Variants in PRKACB observed in about 807,000 individuals in gnomAD.
The protein encoded by PRKACB is cAMP-dependent protein kinase catalytic subunit beta.
A neutral mutation model predicts 51.4 loss-of-function variants in PRKACB; 16 were observed. That is an observed-to-expected ratio of 0.31 (90% CI 0.21 to 0.47). The LOEUF is 0.47. Among genes scored for constraint, PRKACB ranks in the 20% least tolerant of loss-of-function variants. PRKACB has a pLI of 1.00. For missense variants in PRKACB, 309 were observed against 464.5 expected (o/e 0.67, Z 3.08); for synonymous variants, 147 against 154.4 (o/e 0.95, Z 0.35).
At chr1:84,175,802 C>G (rs1661043746) in intron 1 of PRKACB, 2 of 1,566,788 alleles carry the variant, frequency 1.3e-6, no homozygotes, top group African/African-American at 1.4e-5. Flanking sequence ...CATGTAGATT[C>G]CTTTGGTATG....
At chr1:84,121,180 C>A (rs1186807516) in intron 1 of PRKACB, among the ~76,000 whole-genome samples, 1 of 151,812 alleles carries the variant, frequency 6.6e-6, no homozygotes, top group Non-Finnish European at 1.5e-5. Flanking sequence ...TGGAATTTTT[C>A]CTTTTTTCAT....
At chr1:84,234,719 A>G (rs1572625269) in intron 9 of PRKACB, among the ~76,000 whole-genome samples, 1 of 152,018 alleles carries the variant, frequency 6.6e-6, no homozygotes, top group Non-Finnish European at 1.5e-5. Context: ...AGGAAAGGGA[A>G]CTCCCTGACC....
At chr1:84,098,890 T>G (rs1004955956) in intron 1 of PRKACB, among the ~76,000 whole-genome samples, 2 of 152,086 alleles carry the variant, frequency 1.3e-5, no homozygotes, top group East Asian at 3.9e-4. Flanking sequence ...AAGATAATAT[T>G]TGGGGTATCA....
chr1:84,186,556 T>C (rs1665177862), intron 5 of PRKACB, among the ~76,000 whole-genome samples: 1 of 152,100 alleles, frequency 6.6e-6, no homozygotes, highest in African/African-American at 2.4e-5. Flanking sequence ...CCTGAGTGCG[T>C]TATTCCCTGG....
chr1:84,118,950 A>G (rs1404031093), intron 1 of PRKACB, among the ~76,000 whole-genome samples: 1 of 152,208 alleles, frequency 6.6e-6, no homozygotes, highest in East Asian at 1.9e-4. Flanking sequence ...AGTTGCAAGA[A>G]GCAGAGACCC....
chr1:84,199,063 A>G (rs1174276251), intron 7 of PRKACB, among the ~76,000 whole-genome samples: 1 of 51,474 alleles, frequency 1.9e-5, no homozygotes, highest in African/African-American at 4.1e-5. Flanking sequence ...ATATATGCGT[A>G]TATATGCATA....
intron 1 of PRKACB, among the ~76,000 whole-genome samples, chr1:84,171,653 C>T (rs760454317): frequency 5.3e-5 from 8 of 151,546 alleles, no homozygotes; most frequent in Non-Finnish European, 1.0e-4. Context: ...TGTCCACTGC[C>T]ATTGTTTCTG....
At chr1:84,204,791 C>G (rs1163238695) in intron 8 of PRKACB, 3 of 898,500 alleles carry the variant, frequency 3.3e-6, no homozygotes, top group Non-Finnish European at 4.1e-6. Flanking sequence ...AACAAGGATA[C>G]TGTCATAACT....
chr1:84,126,620 C>T (rs1287172527), intron 1 of PRKACB, among the ~76,000 whole-genome samples: 1 of 152,090 alleles, frequency 6.6e-6, no homozygotes, highest in Non-Finnish European at 1.5e-5. Context: ...AATGCATGTT[C>T]TCACTTTGGA....
chr1:84,203,053 C>G (rs1186325485), intron 8 of PRKACB, among the ~76,000 whole-genome samples: 1 of 151,910 alleles, frequency 6.6e-6, no homozygotes, highest in African/African-American at 2.4e-5. Flanking sequence ...TCACAAAGAA[C>G]AGGATCATAG....
intron 1 of PRKACB, among the ~76,000 whole-genome samples, chr1:84,080,839 A>G (rs777685009): frequency 6.0e-5 from 9 of 151,176 alleles, no homozygotes; most frequent in Non-Finnish European, 8.8e-5. Context: ...CAGAGTAAGG[A>G]ATAGAGTCTG....
intron 1 of PRKACB, among the ~76,000 whole-genome samples, chr1:84,082,068 T>A (rs905487948): frequency 8.5e-5 from 13 of 152,248 alleles, no homozygotes; most frequent in African/African-American, 2.9e-4. Context: ...GTATAAACTT[T>A]TACTTACTCT....
chr1:84,127,839 T>G (rs1345798161), intron 1 of PRKACB, among the ~76,000 whole-genome samples: 1 of 152,038 alleles, frequency 6.6e-6, no homozygotes, highest in African/African-American at 2.4e-5. Context: ...TTCCTATACT[T>G]AAATCATAAA....
chr1:84,226,060 T>A (rs1674540939), intron 9 of PRKACB, among the ~76,000 whole-genome samples: 3 of 152,214 alleles, frequency 2.0e-5, no homozygotes, highest in Admixed American at 2.0e-4. Context: ...ACTGTATATG[T>A]CACTGCTTTA....
At chr1:84,103,178 G>A (rs1315717057) in intron 1 of PRKACB, among the ~76,000 whole-genome samples, 1 of 152,132 alleles carries the variant, frequency 6.6e-6, no homozygotes, top group African/African-American at 2.4e-5. Context: ...AGTGAAGATG[G>A]CTACAAATTC....
At chr1:84,091,845 C>T (rs1368606926) in intron 1 of PRKACB, among the ~76,000 whole-genome samples, 2 of 152,090 alleles carry the variant, frequency 1.3e-5, no homozygotes, top group African/African-American at 4.8e-5. Flanking sequence ...GAAATAAACA[C>T]GTTAATGACT....
intron 1 of PRKACB, among the ~76,000 whole-genome samples, chr1:84,106,515 A>C (rs1649762445): frequency 6.6e-6 from 1 of 152,180 alleles, no homozygotes; most frequent in Admixed American, 6.5e-5. Context: ...AATTCCCACA[A>C]AAAAGGTTAA....
chr1:84,223,478 C>T (rs564011427), intron 9 of PRKACB, among the ~76,000 whole-genome samples: 61 of 151,758 alleles, frequency 4.0e-4, no homozygotes, highest in African/African-American at 1.4e-3. Flanking sequence ...ACGCCATTCT[C>T]CTGCCTCAGC....
chr1:84,145,021 A>G (rs1412174514), intron 1 of PRKACB, among the ~76,000 whole-genome samples: 1 of 152,146 alleles, frequency 6.6e-6, no homozygotes, highest in Non-Finnish European at 1.5e-5. Context: ...AGTTTTACAA[A>G]CAGGAATTTC....
Sources: gnomAD v4.1 joint callset for allele counts (sites outside exome capture counted in the v4.1 genomes callset) on GRCh38, gnomAD v4.1.1 for gene constraint, MANE v1.5 for transcripts, NCBI Gene and HGNC (gene_info 2026-07-23, HGNC 2026-07-21) for gene names.